The following CIAO3 variants were observed in gnomAD, a reference collection of about 807,000 sequenced individuals.
CIAO3 encodes the protein cytosolic iron-sulfur assembly component 3.
In CIAO3, 45 loss-of-function variants were observed where a neutral mutation model predicts 51.5. The observed-to-expected ratio is 0.87, with a 90% CI of 0.69 to 1.12. The LOEUF is 1.12. CIAO3 is among the 50% of genes most tolerant of loss of function. The pLI, the probability that CIAO3 is intolerant of heterozygous loss-of-function variation, is 0.00. For synonymous variants in CIAO3, 314 were observed against 269.3 expected (o/e 1.17, Z -1.63); for missense variants, 668 against 632.5 (o/e 1.06, Z -0.60).
In CIAO3 at chr16:734,816, G is replaced by T. The variant is rs1181913960; in HGVS notation, c.495C>A (p.Ser165Arg). ...AFSRHFSLLE[S>R]QREFVRRFRG... ...GGAATCGCCGCACAAACTCTCGCTGGCTCTCCAGGAGGCTGAAGTGCCTTG... is the reference window on the plus strand; with the variant it reads ...GGAATCGCCGCACAAACTCTCGCTGTCTCTCCAGGAGGCTGAAGTGCCTTG... The change falls in exon 5 of 11, where the codon AGC becomes AGA. Residue 165 changes from serine to arginine, a missense_variant. Physicochemically the swap from Ser to Arg is moderately radical, Grantham distance 110. Coordinates refer to ENST00000251588, the MANE Select transcript of CIAO3 (RefSeq NM_022493.3). 6.2e-7 allele frequency: 1 copy of T among 1,602,250 alleles called. No homozygotes were observed.
chr16:740,014 A>C (rs1372931145), intron 1 of CIAO3: 1 of 1,444,444 alleles, frequency 6.9e-7, no homozygotes, highest in South Asian at 1.2e-5. Context: ...GACACCACCA[A>C]CACTGACCTT....
chr16:736,874 C>T lies in CIAO3; in HGVS notation c.306+312G>A, dbSNP rs193237063. On this transcript the variant is annotated intron_variant, in intron 3 of 10. Transcript: ENST00000251588. ...AGACGGGGTTTCACCATGTTGGCCA[C>T]GGTGGTCTCGAACTCCTGACCTCAG... The T allele has an allele frequency of 1.5e-3, 557 of 380,042 alleles. 1 individual carries two copies. The highest frequency in any genetic ancestry group is 2.2e-3 in the Non-Finnish European group (457 of 203,576). 23.5% of individuals were successfully genotyped at this position (380,042 alleles called of 1,614,324 possible).
intron 9 of CIAO3, 34 bp from the exon 10 acceptor site, chr16:731,034 A>T: frequency 6.2e-7 from 1 of 1,609,450 alleles, no homozygotes; most frequent in Non-Finnish European, 8.5e-7. Flanking sequence ...TCTACATGGC[A>T]CACCCACCAG....
chr16:734,977 C>T (rs1290649839), intron 4 of CIAO3, 106 bp from the exon 5 acceptor site: 7 of 1,395,652 alleles, frequency 5.0e-6, no homozygotes, highest in Non-Finnish European at 6.6e-6. Flanking sequence ...TGTGTCGCAC[C>T]TGCTTGCCGT....
At chr16:733,871 CTGAG>C (rs2041310508) in intron 6 of CIAO3, 2 of 374,200 alleles carry the variant, frequency 5.3e-6, no homozygotes, top group South Asian at 4.7e-5. Context: ...CCCCTGCTGG[CTGAG>C]TGTCTTCAGG....
intron 7 of CIAO3, chr16:732,982 G>A (rs2041300973): frequency 1.9e-5 from 7 of 366,330 alleles, no homozygotes; most frequent in South Asian, 5.2e-5. Flanking sequence ...GGGGCTGCTC[G>A]ACTCAGGAAT....
Position 734,361 on chromosome 16 carries a change from G to A in CIAO3, c.575-14C>T, listed in dbSNP as rs772004348. ...AGCAGATCCAGCCTGAGGTGACAGG[G>A]GGCACACGGGGCTGGCGGGGGCGCA... On this transcript the variant is annotated splice_polypyrimidine_tract_variant and intron_variant, in intron 5 of 10. Transcript: ENST00000251588. 1.3e-6 allele frequency: 2 copies of A among 1,589,078 alleles called. No individual in the cohort carries two copies. The highest frequency in any genetic ancestry group is 1.3e-5 in the African/African-American group (1 of 74,498).
At chr16:733,801 G>T (rs545162531) in intron 6 of CIAO3, 2 of 371,578 alleles carry the variant, frequency 5.4e-6, no homozygotes, top group Non-Finnish European at 1.0e-5. Context: ...AAGAGGTGCC[G>T]CAGGGGACAT....
At position 737,811 on chromosome 16, in the gene CIAO3, A is replaced by G. The variant is rs1164389370; in HGVS notation, c.163-482T>C. On this transcript the variant is annotated intron_variant, in intron 2 of 10. Transcript: ENST00000251588. The surrounding 1 kb of genome is among the most constrained non-coding windows in gnomAD (Gnocchi z 5.3). ...GGCCTCCGGTGGGCGGGGCAGAAACAACCGTCAGACTCGCCAAACAGATGC... is the reference window on the plus strand; with the variant it reads ...GGCCTCCGGTGGGCGGGGCAGAAACGACCGTCAGACTCGCCAAACAGATGC... The G allele has an allele frequency of 4.2e-6, 5 of 1,196,390 alleles. No homozygotes were observed. The Admixed American group carries it at 1.4e-4, about 33-fold the overall frequency. 74.1% of individuals were successfully genotyped at this position (1,196,390 alleles called of 1,614,324 possible).
chr16:730,840 T>A lies in CIAO3; in HGVS notation c.1192+3A>T. The A allele has an allele frequency of 6.2e-7, 1 of 1,612,546 alleles. No individual in the cohort carries two copies. The highest frequency in any genetic ancestry group is 8.5e-7 in the Non-Finnish European group (1 of 1,179,936). ...CTCGTGTCCTGTCCCTTGCAGGAGC[T>A]ACCTGAGGGGCAGGCCATGACCTCC... is the stretch of plus-strand genomic sequence containing the variant. On this transcript the variant is annotated splice_donor_region_variant and intron_variant, in intron 10 of 10. Coordinates refer to ENST00000251588, the MANE Select transcript of CIAO3 (RefSeq NM_022493.3).
intron 7 of CIAO3, 87 bp from the exon 8 acceptor site, chr16:732,460 A>C: frequency 6.7e-7 from 1 of 1,488,218 alleles, no homozygotes; most frequent in Non-Finnish European, 9.3e-7. Context: ...CATCCCCAGC[A>C]GTCTGCACTT....
At chr16:736,957 C>CCCAG (rs2041345424) in intron 3 of CIAO3, 2 of 571,456 alleles carry the variant, frequency 3.5e-6, no homozygotes, top group East Asian at 6.2e-5. Flanking sequence ...AGCCCCCGCG[C>CCCAG]CCAGTAGGGG....
chr16:732,934 CCA>C (rs1240052257), intron 7 of CIAO3: 8 of 322,650 alleles, frequency 2.5e-5, no homozygotes, highest in African/African-American at 1.5e-4. Flanking sequence ...CCATGCCCGG[CCA>C]CAGTTTGCTT....
rs772828801 is a variant in CIAO3, at chr16:730,958, C to G, written c.1077G>C (p.Gln359His). ...FQEVTLEKEG[Q>H]VLLHFAMAYG... ...ACGCCATTGCGAAGTGCAGCAGCAC[C>G]TGGCCCTCCTTCTCCAGTGTCACCT... Residue 359 changes from glutamine (Q) to histidine (H), a missense_variant, in exon 10 of 11, where the codon CAG (glutamine) becomes CAC (histidine). By Grantham distance (24) the Gln-to-His change is conservative. Coordinates refer to ENST00000251588, the MANE Select transcript of CIAO3 (RefSeq NM_022493.3). 2.5e-6 allele frequency: 4 copies of G among 1,613,014 alleles called. No individual in the cohort carries two copies. Among genetic ancestry groups the G allele is most frequent in the Middle Eastern group, 1.7e-4 (1 of 6,060 alleles).
intron 1 of CIAO3, 85 bp downstream of exon 1, chr16:740,835 G>C: frequency 2.3e-6 from 3 of 1,314,380 alleles, no homozygotes; most frequent in Non-Finnish European, 3.1e-6. Flanking sequence ...ATTCCTCAGG[G>C]GAGGAAGTGG....
intron 2 of CIAO3, among the ~76,000 whole-genome samples, chr16:739,015 G>C (rs1249218516): frequency 1.3e-5 from 2 of 150,382 alleles, no homozygotes; most frequent in Non-Finnish European, 3.0e-5. Context: ...TGAGGGGTCT[G>C]GGCTGGGCGC....
rs2041252454 is a variant in CIAO3 at position 729,930 on chromosome 16, CCCT to C, written c.*484_*486del. ...TGCTTTCCAGGGGCCTGGCACCCCC[CCCT>C]GCCAGGGTCCACACGCAGGGTTGTG... On this transcript the variant is annotated 3_prime_UTR_variant, in exon 11 of 11. Coordinates refer to ENST00000251588, the MANE Select transcript of CIAO3 (RefSeq NM_022493.3). 1 of 350,182 alleles carries C rather than the reference CCCT, an allele frequency of 2.9e-6. No individual in the cohort carries two copies. The highest frequency in any genetic ancestry group is 5.3e-6 in the Non-Finnish European group (1 of 187,282). 21.7% of individuals were successfully genotyped at this position (350,182 alleles called of 1,614,324 possible). A position where few individuals can be genotyped will look rare whatever the true frequency, so the allele number is the denominator to read the frequency against.
At position 734,800 on chromosome 16, in the gene CIAO3, G is replaced by T; in HGVS notation, c.511C>A (p.Arg171=). Residue 171 remains arginine, a synonymous_variant, in exon 5 of 11, where the codon CGG becomes AGG. Transcript: ENST00000251588. ...CAGTCGGCCTGTCCTCGGAATCGCCGCACAAACTCTCGCTGGCTCTCCAGG... is the reference window on the plus strand; with the variant it reads ...CAGTCGGCCTGTCCTCGGAATCGCCTCACAAACTCTCGCTGGCTCTCCAGG... ...SLLESQREFV[R]RFRGQADCRQ... The T allele has an allele frequency of 6.2e-7, 1 of 1,606,490 alleles. No homozygotes were observed. Among genetic ancestry groups the T allele is most frequent in the Non-Finnish European group, 8.5e-7 (1 of 1,175,152 alleles).
intron 7 of CIAO3, chr16:732,902 C>T (rs1330784002): frequency 3.1e-6 from 1 of 317,970 alleles, no homozygotes; most frequent in Admixed American, 4.5e-5. Flanking sequence ...TCCCAAAGTG[C>T]TGGGATTACA....
Sources: gnomAD v4.1 joint callset for allele counts (sites outside exome capture counted in the v4.1 genomes callset) on GRCh38, gnomAD v4.1.1 for gene constraint, Gnocchi (gnomAD v3.1) non-coding constraint, MANE v1.5 for transcripts, NCBI Gene and HGNC (gene_info 2026-07-23, HGNC 2026-07-21) for gene names.